BORCS6: variants seen among roughly 807,000 people sequenced by gnomAD.
BORCS6 encodes BLOC-1 related complex subunit 6.
A neutral mutation model predicts 17.0 loss-of-function variants in BORCS6; 12 were observed. The observed-to-expected ratio is 0.71, with a 90% CI of 0.45 to 1.15. The LOEUF is 1.15. Ranked by LOEUF, BORCS6 falls within the 50% of genes most tolerant of loss-of-function variation. The pLI, the probability that BORCS6 is intolerant of heterozygous loss-of-function variation, is 0.00. For synonymous variants in BORCS6, 262 were observed against 241.7 expected, an observed-to-expected ratio of 1.08 and a Z score of -0.78; for missense variants, 513 against 515.0, an observed-to-expected ratio of 1.00 and a Z score of 0.04.
At position 8,189,752 on chromosome 17, in the gene BORCS6, C is replaced by A. The variant is rs1328251002; in HGVS notation, c.389G>T (p.Gly130Val). ...PSSGRDCRRG[G>V]PGGGMDVEQQ... is the part of the protein sequence containing the mutation. ...CTCAACATCCATCCCGCCGCCTGGTCCCCCTCGACGGCAGTCCCTCCCGGA... is the reference window on the plus strand; with the variant it reads ...CTCAACATCCATCCCGCCGCCTGGTACCCCTCGACGGCAGTCCCTCCCGGA... Residue 130 changes from glycine to valine, a missense_variant, in exon 1 of 1, where the codon GGA (glycine) becomes GTA (valine). By Grantham distance (109) the Gly-to-Val change is moderately radical. Coordinates refer to ENST00000389017, the MANE Select transcript of BORCS6 (RefSeq NM_017622.3). The surrounding 1 kb of genome is among the most constrained non-coding windows in gnomAD (Gnocchi z 7.8). 11 of 1,599,922 alleles carry A rather than the reference C, an allele frequency of 6.9e-6. No homozygotes were observed. Among genetic ancestry groups the A allele is most frequent in the Middle Eastern group, 1.7e-4 (1 of 6,056 alleles).
rs78278851 is a variant in BORCS6 at position 8,189,170 on chromosome 17, C to A, written c.971G>T (p.Arg324Leu). 2 of 1,614,154 alleles carry A rather than the reference C, an allele frequency of 1.2e-6. No homozygotes were observed. The highest frequency in any genetic ancestry group is 1.7e-6 in the Non-Finnish European group (2 of 1,180,030). Residue 324 changes from arginine to leucine, a missense_variant, in exon 1 of 1, where the codon CGC becomes CTC. Coordinates refer to ENST00000389017, the MANE Select transcript of BORCS6 (RefSeq NM_017622.3). This position sits in a 1 kb window ranked among gnomAD's most constrained non-coding sequence, Gnocchi z 7.8. Reference protein sequence around the residue: ...SIKGMYTLLARCEELERALQP... With the variant: ...SIKGMYTLLALCEELERALQP... ...CAGAGCCCGCTCCAGCTCCTCGCAGCGCGCCAGCAGGGTGTACATGCCCTT... is the reference window on the plus strand; with the variant it reads ...CAGAGCCCGCTCCAGCTCCTCGCAGAGCGCCAGCAGGGTGTACATGCCCTT...
At position 8,189,115 on chromosome 17, in the gene BORCS6, G is replaced by A. The variant is rs1165061861; in HGVS notation, c.1026C>T (p.Val342=). The change falls in exon 1 of 1, where the codon GTC becomes GTT. Residue 342 remains valine (V), a synonymous_variant. Coordinates refer to ENST00000389017, the MANE Select transcript of BORCS6 (RefSeq NM_017622.3). This position sits in a 1 kb window ranked among gnomAD's most constrained non-coding sequence, Gnocchi z 7.8. The stretch of plus-strand genomic sequence containing the variant: ...CCTCCAGAGTACGTCGGATATCCCG[G>A]ACTTGGCGCGCCAGCCCCTGAACCG... ...LQPVQGLARQ[V]RDIRRTLEVL... 2 of 1,613,954 alleles carry A rather than the reference G, an allele frequency of 1.2e-6. No individual in the cohort carries two copies. The highest frequency in any genetic ancestry group is 2.7e-5 in the African/African-American group (2 of 74,932).
rs753205201 is a variant in BORCS6, at chr17:8,190,108, C to T, written c.33G>A (p.Glu11=). The change falls in exon 1 of 1, where the codon GAG becomes GAA. Residue 11 remains glutamate (E), a synonymous_variant. Coordinates refer to ENST00000389017, the MANE Select transcript of BORCS6 (RefSeq NM_017622.3). MESSRGRPGP[E]TDLLAVAEHQ... is the part of the protein sequence containing the mutation. ...GTTCCGCTACAGCCAGAAGGTCCGT[C>T]TCGGGCCCGGGCCGCCCCCGAGACG... The T allele has an allele frequency of 1.9e-6, 3 of 1,550,038 alleles. No homozygotes were observed. The South Asian group carries it at 3.6e-5, about 18-fold the overall frequency.
chr17:8,189,513 G>T lies in BORCS6; in HGVS notation c.628C>A (p.His210Asn). 6.4e-7 allele frequency: 1 copy of T among 1,572,940 alleles called. No individual in the cohort carries two copies. The highest frequency in any genetic ancestry group is 1.4e-5 in the African/African-American group (1 of 73,666). The change falls in exon 1 of 1, where the codon CAC becomes AAC. Residue 210 changes from histidine (H) to asparagine (N), a missense_variant. By Grantham distance (68) the His-to-Asn change is moderately conservative. Transcript: ENST00000389017. The surrounding 1 kb of genome is among the most constrained non-coding windows in gnomAD (Gnocchi z 7.8). ...GCGACAAAGTGGGTAAGGTCGCCGT[G>T]GCGGCTCACTGTGCCTTCGAGCTCC... ...PLELEGTVSRHGDLTHFVANN... is the reference protein window; with the variant it reads ...PLELEGTVSRNGDLTHFVANN...
Position 8,188,840 on chromosome 17 carries a change from A to G in BORCS6, c.*227T>C. 1.6e-6 allele frequency: 1 copy of G among 626,452 alleles called. No homozygotes were observed. Among genetic ancestry groups the G allele is most frequent in the South Asian group, 2.0e-5 (1 of 50,296 alleles). 38.8% of individuals were successfully genotyped at this position (626,452 alleles called of 1,614,324 possible). On this transcript the variant is annotated 3_prime_UTR_variant, in exon 1 of 1. Transcript: ENST00000389017. ...AGGGTAGCTACAGATGGCCAACTGAATACAAGCAGAGCAACATCCCTTCCC... is the reference window on the plus strand; with the variant it reads ...AGGGTAGCTACAGATGGCCAACTGAGTACAAGCAGAGCAACATCCCTTCCC...
chr17:8,190,147 G>T lies in BORCS6; in HGVS notation c.-7C>A. ...GCCCCCGAGACGACTCCATACTGCA[G>T]GTGGGGGCCGCAACGGAGGAATTGG... On this transcript the variant is annotated 5_prime_UTR_variant, in exon 1 of 1. It adds an upstream start codon to the 5' untranslated region. Transcript: ENST00000389017. 2.6e-6 allele frequency: 4 copies of T among 1,539,410 alleles called. No homozygotes were observed. The highest frequency in any genetic ancestry group is 2.1e-5 in the Admixed American group (1 of 46,898).
In BORCS6 at chr17:8,189,579, C is replaced by G; in HGVS notation, c.562G>C (p.Gly188Arg). The G allele has an allele frequency of 6.3e-7, 1 of 1,590,222 alleles. No individual in the cohort carries two copies. Among genetic ancestry groups the G allele is most frequent in the Non-Finnish European group, 8.5e-7 (1 of 1,171,620 alleles). Residue 188 changes from glycine to arginine, a missense_variant, in exon 1 of 1, where the codon GGC becomes CGC. Gly to Arg is a moderately radical substitution (Grantham distance 125). Transcript: ENST00000389017. The surrounding 1 kb of genome is among the most constrained non-coding windows in gnomAD (Gnocchi z 7.8). ...GAGSSGSAES[G>R]AGGGRRATIS... is the part of the protein sequence containing the mutation. ...GTGGCGCGGCGTCCGCCGCCCGCGC[C>G]GGACTCGGCACTCCCTGAGGACCCG...
In BORCS6 at chr17:8,189,261, C is replaced by T. The variant is rs576087759; in HGVS notation, c.880G>A (p.Val294Met). Residue 294 changes from valine to methionine, a missense_variant, in exon 1 of 1, where the codon GTG (valine) becomes ATG (methionine). Coordinates refer to ENST00000389017, the MANE Select transcript of BORCS6 (RefSeq NM_017622.3). The surrounding 1 kb of genome is among the most constrained non-coding windows in gnomAD (Gnocchi z 7.8). ...GAVQELTALS[V>M]GCIQTYRDAV... ...TCGCGGTAGGTCTGGATGCAACCCA[C>T]GCTCAGCGCCGTCAGCTCCTGCACC... 1 of 1,613,958 alleles carries T rather than the reference C, an allele frequency of 6.2e-7. No individual in the cohort carries two copies. The highest frequency in any genetic ancestry group is 8.5e-7 in the Non-Finnish European group (1 of 1,179,994).
rs1387436165 is a variant in BORCS6 at position 8,190,032 on chromosome 17, G to C, written c.109C>G (p.Pro37Ala). The change falls in exon 1 of 1, where the codon CCC (proline) becomes GCC (alanine). Residue 37 changes from proline (P) to alanine (A), a missense_variant. Coordinates refer to ENST00000389017, the MANE Select transcript of BORCS6 (RefSeq NM_017622.3). ...GGPGRTSSEP[P>A]AGLRVSGEEE... is the part of the protein sequence containing the mutation. ...TCCCCGGACACCCGGAGGCCTGCGG[G>C]CGGCTCAGAGGACGTTCGGCCCGGC... is the stretch of plus-strand genomic sequence containing the variant. The C allele has an allele frequency of 1.3e-6, 2 of 1,550,024 alleles. No individual in the cohort carries two copies. The highest frequency in any genetic ancestry group is 2.4e-5 in the East Asian group (1 of 40,902).
chr17:8,190,012 G>A lies in BORCS6; in HGVS notation c.129C>T (p.Ser43=), dbSNP rs971201397. The A allele has an allele frequency of 1.7e-5, 27 of 1,549,898 alleles. No individual in the cohort carries two copies. In the African/African-American group the frequency reaches 3.1e-4, roughly 18 times the overall value. ...SSEPPAGLRV[S]GEEETENVGG... is the part of the protein sequence containing the mutation. Reference sequence around the variant, plus strand: ...CAACGTTCTCGGTCTCTTCCTCCCCGGACACCCGGAGGCCTGCGGGCGGCT... The same window carrying A: ...CAACGTTCTCGGTCTCTTCCTCCCCAGACACCCGGAGGCCTGCGGGCGGCT... Residue 43 remains serine (S), a synonymous_variant, in exon 1 of 1, where the codon TCC becomes TCT. Coordinates refer to ENST00000389017, the MANE Select transcript of BORCS6 (RefSeq NM_017622.3).
At position 8,188,903 on chromosome 17, in the gene BORCS6, C is replaced by A; in HGVS notation, c.*164G>T. The A allele has an allele frequency of 9.7e-7, 1 of 1,026,736 alleles. No individual in the cohort carries two copies. 63.6% of individuals were successfully genotyped at this position (1,026,736 alleles called of 1,614,324 possible). On this transcript the variant is annotated 3_prime_UTR_variant, in exon 1 of 1. Coordinates refer to ENST00000389017, the MANE Select transcript of BORCS6 (RefSeq NM_017622.3). Reference sequence around the variant, plus strand: ...GTTAGAACTTCCCCACATACACCAGCCTAAGGCCCAGCGAGTGGGCACGGG... The same window carrying A: ...GTTAGAACTTCCCCACATACACCAGACTAAGGCCCAGCGAGTGGGCACGGG...
rs1984607234 is a variant in BORCS6, at chr17:8,190,063, G to A, written c.78C>T (p.Gly26=). 1.3e-6 allele frequency: 2 copies of A among 1,550,160 alleles called. No homozygotes were observed. The highest frequency in any genetic ancestry group is 2.4e-5 in the East Asian group (1 of 40,880). The change falls in exon 1 of 1, where the codon GGC becomes GGT. Residue 26 remains glycine, a synonymous_variant. Transcript: ENST00000389017. ...AVAEHQALVF[G]GGPGRTSSEP... is the part of the protein sequence containing the mutation. ...CAGAGGACGTTCGGCCCGGCCCGCC[G>A]CCAAAGACTAGGGCCTGATGTTCCG...
rs1984549383 is a variant in BORCS6 at position 8,188,414 on chromosome 17, G to T, written c.*653C>A. On this transcript the variant is annotated 3_prime_UTR_variant, in exon 1 of 1. Coordinates refer to ENST00000389017, the MANE Select transcript of BORCS6 (RefSeq NM_017622.3). ...AAACTGATTAGAACACTCCACAACA[G>T]GTGAGCTTCAAAACCAGCAACATTC... The T allele has an allele frequency of 6.3e-6, 1 of 158,228 alleles. No individual in the cohort carries two copies. The highest frequency in any genetic ancestry group is 1.8e-4 in the South Asian group (1 of 5,518). The allele number at this position is 158,228 out of a possible 1,614,324, so 9.8% of individuals were successfully genotyped here.
In BORCS6 at chr17:8,188,638, A is replaced by T. The variant is rs1416692160; in HGVS notation, c.*429T>A. 4.5e-6 allele frequency: 1 copy of T among 223,200 alleles called. No individual in the cohort carries two copies. Among genetic ancestry groups the T allele is most frequent in the Non-Finnish European group, 9.0e-6 (1 of 110,782 alleles). The allele number at this position is 223,200 out of a possible 1,614,324, so 13.8% of individuals were successfully genotyped here. A position where few individuals can be genotyped will look rare whatever the true frequency, so the allele number is the denominator to read the frequency against. ...GGCCAAGGACGGCACAAGCTCCCACAGCCCCTGGCACCTGAGATGTGGCCA... is the reference window on the plus strand; with the variant it reads ...GGCCAAGGACGGCACAAGCTCCCACTGCCCCTGGCACCTGAGATGTGGCCA... On this transcript the variant is annotated 3_prime_UTR_variant, in exon 1 of 1. Coordinates refer to ENST00000389017, the MANE Select transcript of BORCS6 (RefSeq NM_017622.3).
Position 8,189,081 on chromosome 17 carries a change from C to A in BORCS6, c.1060G>T (p.Ala354Ser). Reference sequence around the variant, plus strand: ...TGTCCTCCTGGTCACTTGCACAGGGCCTCCAACACCTCCAGAGTACGTCGG... The same window carrying A: ...TGTCCTCCTGGTCACTTGCACAGGGACTCCAACACCTCCAGAGTACGTCGG... ...DIRRTLEVLE[A>S]LCK Residue 354 changes from alanine to serine, a missense_variant, in exon 1 of 1, where the codon GCC becomes TCC. Ala to Ser is a moderately conservative substitution (Grantham distance 99, BLOSUM62 1). Transcript: ENST00000389017. This position sits in a 1 kb window ranked among gnomAD's most constrained non-coding sequence, Gnocchi z 7.8. The A allele has an allele frequency of 1.9e-6, 3 of 1,614,126 alleles. No individual in the cohort carries two copies. The highest frequency in any genetic ancestry group is 2.5e-6 in the Non-Finnish European group (3 of 1,180,030).
rs1486732367 is a variant in BORCS6, at chr17:8,189,863, C to T, written c.278G>A (p.Ser93Asn). The T allele has an allele frequency of 1.3e-6, 2 of 1,547,962 alleles. No homozygotes were observed. Among genetic ancestry groups the T allele is most frequent in the African/African-American group, 1.4e-5 (1 of 72,988 alleles). ...CTCTGCACCCGGCGCCCCCCTGCGG[C>T]TCCCGGCCCCAGACAGCGTCCCTTG... ...GPQGTLSGAG[S>N]RRGAPGAEHE... Residue 93 changes from serine (S) to asparagine (N), a missense_variant, in exon 1 of 1, where the codon AGC becomes AAC. Coordinates refer to ENST00000389017, the MANE Select transcript of BORCS6 (RefSeq NM_017622.3). The surrounding 1 kb of genome is among the most constrained non-coding windows in gnomAD (Gnocchi z 7.8).
chr17:8,190,127 C>G lies in BORCS6; in HGVS notation c.14G>C (p.Arg5Pro). The change falls in exon 1 of 1, where the codon CGG becomes CCG. Residue 5 changes from arginine (R) to proline (P), a missense_variant. By Grantham distance (103) the Arg-to-Pro change is moderately radical (BLOSUM62 -2). Coordinates refer to ENST00000389017, the MANE Select transcript of BORCS6 (RefSeq NM_017622.3). ...GTCCGTCTCGGGCCCGGGCCGCCCC[C>G]GAGACGACTCCATACTGCAGGTGGG... MESS[R>P]GRPGPETDLL... is the part of the protein sequence containing the mutation. 4 of 1,549,416 alleles carry G rather than the reference C, an allele frequency of 2.6e-6. No individual in the cohort carries two copies. The East Asian group carries it at 9.8e-5, about 38-fold the overall frequency.
Position 8,189,651 on chromosome 17 carries a change from G to A in BORCS6, c.490C>T (p.Gln164Ter). ...AGCCCGTCCAGGCTGCGGCTGTCCT[G>A]AAGACGGCTGGAGAACGAGCGGCCG... ...RAGRSFSSRLQDSRSLDGLSE... is the reference protein window; with the variant it reads ...RAGRSFSSRL The change falls in exon 1 of 1, where the codon CAG becomes TAG. Residue 164 changes from glutamine to a stop codon, truncating the protein, a stop_gained. Transcript: ENST00000389017. LOFTEE classifies it high-confidence loss of function. This position sits in a 1 kb window ranked among gnomAD's most constrained non-coding sequence, Gnocchi z 7.8. 1 of 1,598,888 alleles carries A rather than the reference G, an allele frequency of 6.3e-7. No individual in the cohort carries two copies. Among genetic ancestry groups the A allele is most frequent in the Non-Finnish European group, 8.5e-7 (1 of 1,179,426 alleles).
chr17:8,188,899 C>G lies in BORCS6; in HGVS notation c.*168G>C. 1 of 986,300 alleles carries G rather than the reference C, an allele frequency of 1.0e-6. No homozygotes were observed. Among genetic ancestry groups the G allele is most frequent in the Non-Finnish European group, 1.5e-6 (1 of 677,184 alleles). The allele number at this position is 986,300 out of a possible 1,614,324, so 61.1% of individuals were successfully genotyped here. A position where few individuals can be genotyped will look rare whatever the true frequency, so the allele number is the denominator to read the frequency against. Reference sequence around the variant, plus strand: ...AGCCGTTAGAACTTCCCCACATACACCAGCCTAAGGCCCAGCGAGTGGGCA... The same window carrying G: ...AGCCGTTAGAACTTCCCCACATACAGCAGCCTAAGGCCCAGCGAGTGGGCA... On this transcript the variant is annotated 3_prime_UTR_variant, in exon 1 of 1. Coordinates refer to ENST00000389017, the MANE Select transcript of BORCS6 (RefSeq NM_017622.3).
Sources: gnomAD v4.1 joint callset for allele counts on GRCh38, gnomAD v4.1.1 for gene constraint, Gnocchi (gnomAD v3.1) non-coding constraint, MANE v1.5 for transcripts, NCBI Gene and HGNC (gene_info 2026-07-23, HGNC 2026-07-21) for gene names.